The following HDAC9 variants were observed in gnomAD, a reference collection of about 807,000 sequenced individuals.
HDAC9 encodes MEF-2 interacting transcription repressor (MITR) protein.
In HDAC9, 41 loss-of-function variants were observed where a neutral mutation model predicts 139.4. The observed-to-expected ratio is 0.29, with a 90% CI of 0.23 to 0.38. The LOEUF (loss-of-function observed/expected upper bound fraction) is 0.38, where lower values mean the gene tolerates loss of function less well. Ranked by LOEUF, HDAC9 falls within the 10% of genes least tolerant of loss-of-function variation. The pLI, the probability that HDAC9 is intolerant of heterozygous loss-of-function variation, is 1.00. For synonymous variants in HDAC9, 517 were observed against 476.2 expected, an observed-to-expected ratio of 1.09 and a Z score of -1.12; for missense variants, 1,147 against 1,297.0, an observed-to-expected ratio of 0.88 and a Z score of 1.78.
chr7:18,943,427 A>T (rs1428533913), intron 23 of HDAC9, among the ~76,000 whole-genome samples: 2 of 151,972 alleles, frequency 1.3e-5, no homozygotes, highest in Non-Finnish European at 1.5e-5. Flanking sequence ...TCTTCCATTT[A>T]TTTTTAGGTT....
intron 6 of HDAC9, among the ~76,000 whole-genome samples, chr7:18,612,856 A>G (rs1837545393): frequency 6.6e-6 from 1 of 151,940 alleles, no homozygotes; most frequent in Non-Finnish European, 1.5e-5. Context: ...CTAAGAGGAG[A>G]ATATGAAAGA....
At chr7:18,486,397 A>G (rs576665395) in intron 1 of HDAC9, among the ~76,000 whole-genome samples, 64 of 152,276 alleles carry the variant, frequency 4.2e-4, no homozygotes, top group African/African-American at 1.5e-3. Context: ...CCTTCCTTCA[A>G]AAGGCTTAGA....
chr7:18,523,200 C>A (rs1343543655), intron 2 of HDAC9, among the ~76,000 whole-genome samples: 1 of 152,256 alleles, frequency 6.6e-6, no homozygotes, highest in African/African-American at 2.4e-5. Context: ...AAGCTAGTGA[C>A]TTTGAACTTC....
At chr7:18,317,949 A>T (rs1799771814) in intron 1 of HDAC9, among the ~76,000 whole-genome samples, 1 of 152,244 alleles carries the variant, frequency 6.6e-6, no homozygotes, top group Non-Finnish European at 1.5e-5. Flanking sequence ...ATGGTTGGTA[A>T]GAGTGGAAAT....
chr7:18,613,491 C>T (rs1250203116), intron 6 of HDAC9, among the ~76,000 whole-genome samples: 3 of 151,948 alleles, frequency 2.0e-5, no homozygotes, highest in East Asian at 1.9e-4. Context: ...CTAATGTAAG[C>T]GTCTTCTAGA....
chr7:18,945,335 A>G (rs965922757), intron 23 of HDAC9, among the ~76,000 whole-genome samples: 5 of 152,216 alleles, frequency 3.3e-5, no homozygotes, highest in Non-Finnish European at 7.4e-5. Context: ...TTTTTGAAGT[A>G]TCTATTCAAA....
At chr7:18,634,773 A>G (rs1783381155) in intron 8 of HDAC9, 31 bp downstream of exon 8, 2 of 1,404,188 alleles carry the variant, frequency 1.4e-6, no homozygotes, top group Non-Finnish European at 9.9e-7. Context: ...TTTCTTTTAA[A>G]AACTGAATTT....
rs1308890717 is a variant in HDAC9 at position 18,732,696 on chromosome 7, CACGT to C, written c.1909+4940_1909+4943del. On this transcript the variant is annotated intron_variant, in intron 13 of 25. Coordinates refer to ENST00000686413, the MANE Select transcript of HDAC9 (RefSeq NM_178425.4). The stretch of plus-strand genomic sequence containing the variant: ...ATGTGTGCGTATGTGTACACACACA[CACGT>C]GTATGTGTGCGTATGTGTACACACA... Among the ~76,000 whole-genome samples the C allele has an allele frequency of 2.0e-3, 266 of 132,158 alleles. 62 individuals are homozygous for C. The highest frequency in any genetic ancestry group is 7.7e-3 in the African/African-American group (245 of 31,652). 86.7% of individuals were successfully genotyped at this position (132,158 alleles called of 152,430 possible).
intron 2 of HDAC9, among the ~76,000 whole-genome samples, chr7:18,250,009 C>T (rs1794818882): frequency 6.6e-6 from 1 of 152,006 alleles, no homozygotes; most frequent in South Asian, 2.1e-4. Flanking sequence ...ACAGAGTGAG[C>T]CCCACATTAT....
At chr7:18,773,362 T>TACAC (rs1491290562) in intron 16 of HDAC9, among the ~76,000 whole-genome samples, 5 of 116,770 alleles carry the variant, frequency 4.3e-5, no homozygotes, top group African/African-American at 6.2e-5. Flanking sequence ...TAAAAAACTG[T>TACAC]ATACACACAC....
At chr7:18,528,548 C>T (rs955178099) in intron 2 of HDAC9, among the ~76,000 whole-genome samples, 2 of 152,040 alleles carry the variant, frequency 1.3e-5, no homozygotes, top group African/African-American at 2.4e-5. Flanking sequence ...TGCCACTTTA[C>T]TTACTTTTCA....
intron 22 of HDAC9, among the ~76,000 whole-genome samples, chr7:18,895,995 T>G (rs905180464): frequency 2.0e-5 from 3 of 152,248 alleles, no homozygotes; most frequent in Admixed American, 6.5e-5. Flanking sequence ...TTTGTTTATT[T>G]GGATAATCAA....
At position 18,611,691 on chromosome 7, in the gene HDAC9, T is replaced by C. The variant is rs143697760; in HGVS notation, c.665-17659T>C. Among the ~76,000 whole-genome samples, 31 of 152,224 alleles carry C rather than the reference T, an allele frequency of 2.0e-4. No homozygotes were observed. In the Middle Eastern group the frequency reaches 0.01, roughly 50 times the overall value. ...ATATCATTGAGAATGGCAATTTTGC[T>C]AAAATTAAGTACCATGTAGCATCTA... On this transcript the variant is annotated intron_variant, in intron 6 of 25. Transcript: ENST00000686413.
chr7:18,937,462 G>C (rs1406528954), intron 23 of HDAC9, among the ~76,000 whole-genome samples: 1 of 152,136 alleles, frequency 6.6e-6, no homozygotes, highest in African/African-American at 2.4e-5. Flanking sequence ...TAAAATGTTA[G>C]TGTCTTTCTG....
At chr7:18,349,718 TGTG>T (rs1294613445) in intron 1 of HDAC9, among the ~76,000 whole-genome samples, 4 of 151,520 alleles carry the variant, frequency 2.6e-5, no homozygotes, top group Non-Finnish European at 4.4e-5. Context: ...AAAAAAAAAA[TGTG>T]GTGTTGTGTT....
intron 2 of HDAC9, among the ~76,000 whole-genome samples, chr7:18,231,161 G>C (rs191414664): frequency 4.9e-4 from 74 of 152,252 alleles, no homozygotes; most frequent in Non-Finnish European, 9.1e-4. Flanking sequence ...AAGTTTCCAG[G>C]AGCCTTAGCT....
chr7:18,162,396 A>T, intron 2 of HDAC9: 1 of 1,492,028 alleles, frequency 6.7e-7, no homozygotes, highest in Non-Finnish European at 9.0e-7. Flanking sequence ...CATGTGAAAG[A>T]TGTTGCTTTG....
At chr7:18,435,918 A>G (rs1054098019) in intron 1 of HDAC9, among the ~76,000 whole-genome samples, 5 of 148,064 alleles carry the variant, frequency 3.4e-5, no homozygotes, top group African/African-American at 4.9e-5. Context: ...TATAATATAT[A>G]AAGAGAGAGA....
intron 1 of HDAC9, among the ~76,000 whole-genome samples, chr7:18,435,012 A>G (rs78611079): frequency 6.9e-6 from 1 of 143,894 alleles, no homozygotes; most frequent in Non-Finnish European, 1.5e-5. Flanking sequence ...GACAGTAGAC[A>G]GGAAAAAGAA....
Sources: allele counts gnomAD v4.1 joint callset (sites outside exome capture counted in the v4.1 genomes callset), GRCh38; gene constraint gnomAD v4.1.1; transcripts MANE v1.5; gene names NCBI Gene and HGNC (gene_info 2026-07-23, HGNC 2026-07-21).